The following DZIP1 variants were observed in gnomAD, a reference collection of about 807,000 sequenced individuals.
The protein encoded by DZIP1 is DAZ interacting zinc finger protein 1.
DZIP1 carries 97 observed loss-of-function variants against 107.6 expected under a neutral mutation model. That is an observed-to-expected ratio of 0.90 (90% CI 0.77 to 1.07). The LOEUF is 1.07. Among genes scored for constraint, DZIP1 ranks in the 50% least tolerant of loss-of-function variants. The pLI, the probability that DZIP1 is intolerant of heterozygous loss-of-function variation, is 0.00. For synonymous variants in DZIP1, 390 were observed against 386.4 expected (o/e 1.01, Z -0.11); for missense variants, 1,035 against 1,063.6 (o/e 0.97, Z 0.37).
intron 10 of DZIP1, among the ~76,000 whole-genome samples, chr13:95,612,804 C>T (rs773181011): frequency 6.6e-6 from 1 of 151,990 alleles, no homozygotes; most frequent in African/African-American, 2.4e-5. Context: ...AGGCTGGTCT[C>T]GAAGTCCTGA....
intron 19 of DZIP1, 85 bp from the exon 20 acceptor site, chr13:95,587,814 G>C: frequency 7.0e-7 from 1 of 1,431,026 alleles, no homozygotes; most frequent in East Asian, 2.5e-5. Context: ...TCTTAAAGTG[G>C]TGGCACCTTT....
chr13:95,584,274 CAAAAAAAA>C (rs761989023), intron 22 of DZIP1, among the ~76,000 whole-genome samples: 1 of 20,102 alleles, frequency 5.0e-5, no homozygotes, highest in Non-Finnish European at 1.0e-4. Flanking sequence ...TGCGCCTGGC[CAAAAAAAA>C]AAAAAAAATA....
At chr13:95,617,471 T>C (rs1462013533) in intron 10 of DZIP1, among the ~76,000 whole-genome samples, 2 of 151,956 alleles carry the variant, frequency 1.3e-5, no homozygotes, top group Admixed American at 6.6e-5. Flanking sequence ...CCCACGGACA[T>C]TGAGAAGAGA....
At position 95,596,545 on chromosome 13, in the gene DZIP1, C is replaced by T. The variant is rs564681462; in HGVS notation, c.1538-2459G>A. Among the ~76,000 whole-genome samples, 4 of 152,334 alleles carry T rather than the reference C, an allele frequency of 2.6e-5. No individual in the cohort carries two copies. The East Asian group carries it at 7.7e-4, about 29-fold the overall frequency. ...CATCCAGATGGTCCTGTAGAGGCCACATCAGCTTCCCTTTCTCCATTTGCT... is the reference window on the plus strand; with the variant it reads ...CATCCAGATGGTCCTGTAGAGGCCATATCAGCTTCCCTTTCTCCATTTGCT... On this transcript the variant is annotated intron_variant, in intron 15 of 22. Coordinates refer to ENST00000376829, the MANE Select transcript of DZIP1 (RefSeq NM_198968.4).
intron 7 of DZIP1, among the ~76,000 whole-genome samples, chr13:95,628,949 T>G (rs1274412537): frequency 6.6e-6 from 1 of 152,198 alleles, no homozygotes; most frequent in African/African-American, 2.4e-5. Flanking sequence ...TATAACAATG[T>G]GAATATACTC....
intron 6 of DZIP1, 134 bp from the exon 7 acceptor site, chr13:95,630,247 C>T (rs1182231217): frequency 1.8e-6 from 2 of 1,129,814 alleles, no homozygotes; most frequent in South Asian, 1.7e-5. Flanking sequence ...TTTCATGCCA[C>T]ATGAGCCAAT....
In DZIP1 at chr13:95,580,313, G is replaced by A. The variant is rs2043995656; in HGVS notation, c.*1921C>T. 6.7e-6 allele frequency: 1 copy of A among 149,484 alleles called. No homozygotes were observed. The highest frequency in any genetic ancestry group is 2.5e-5 in the African/African-American group (1 of 40,318). The allele number at this position is 149,484 out of a possible 1,614,324, so 9.3% of individuals were successfully genotyped here. ...GATGGTGCCACTGCGCTCAAGCCTG[G>A]GCAACATAGTGAGACTCTGTCTCAA... On this transcript the variant is annotated 3_prime_UTR_variant, in exon 23 of 23. Coordinates refer to ENST00000376829, the MANE Select transcript of DZIP1 (RefSeq NM_198968.4).
chr13:95,610,990 T>C (rs749821734), intron 12 of DZIP1, among the ~76,000 whole-genome samples: 43 of 152,210 alleles, frequency 2.8e-4, no homozygotes, highest in Admixed American at 5.2e-4. Flanking sequence ...TGTGGTATGC[T>C]ATTATAGCAG....
chr13:95,611,917 G>T, intron 11 of DZIP1, 120 bp downstream of exon 11: 1 of 1,298,290 alleles, frequency 7.7e-7, no homozygotes, highest in South Asian at 1.8e-5. Context: ...ATCACAAGGG[G>T]AAAAATATTC....
At position 95,587,481 on chromosome 13, in the gene DZIP1, G is replaced by A. The variant is rs114917226; in HGVS notation, c.2218+58C>T. The A allele has an allele frequency of 6.3e-4, 990 of 1,578,622 alleles. 7 individuals carry two copies. The African/African-American group carries it at 0.012, about 19-fold the overall frequency. On this transcript the variant is annotated intron_variant, in intron 20 of 22. Coordinates refer to ENST00000376829, the MANE Select transcript of DZIP1 (RefSeq NM_198968.4). ...AGACTCCCAGTGCTCGGTACACACG[G>A]GTGAGGACAACTGTCCTAAATACAG...
chr13:95,629,238 AC>A (rs1876910620), intron 7 of DZIP1, among the ~76,000 whole-genome samples: 1 of 152,200 alleles, frequency 6.6e-6, no homozygotes, highest in African/African-American at 2.4e-5. Context: ...ACCAAGGTCA[AC>A]CCTCTGTTGG....
intron 8 of DZIP1, among the ~76,000 whole-genome samples, chr13:95,624,189 A>G (rs1384697288): frequency 6.6e-6 from 1 of 152,222 alleles, no homozygotes; most frequent in Non-Finnish European, 1.5e-5. Flanking sequence ...AAGAAGACTC[A>G]GGTCAAGTCT....
intron 14 of DZIP1, among the ~76,000 whole-genome samples, chr13:95,602,591 G>A (rs1381957968): frequency 2.0e-5 from 3 of 152,352 alleles, no homozygotes; most frequent in South Asian, 2.1e-4. Flanking sequence ...GAACACCGCT[G>A]GAGAAACAGA....
rs1034830704 is a variant in DZIP1, at chr13:95,578,911, G to A, written c.*3323C>T. 3.9e-5 allele frequency: 6 copies of A among 152,214 alleles called. No individual in the cohort carries two copies. The highest frequency in any genetic ancestry group is 1.4e-4 in the African/African-American group (6 of 41,450). The allele number at this position is 152,214 out of a possible 1,614,324, so 9.4% of individuals were successfully genotyped here. A position where few individuals can be genotyped will look rare whatever the true frequency, so the allele number is the denominator to read the frequency against. On this transcript the variant is annotated 3_prime_UTR_variant, in exon 23 of 23. Coordinates refer to ENST00000376829, the MANE Select transcript of DZIP1 (RefSeq NM_198968.4). The stretch of plus-strand genomic sequence containing the variant: ...ATTGCCTGTCATGTGGCACATCCAT[G>A]TTAAGGGGCTGAGGCGTCCCTGGCA...
At chr13:95,613,497 G>C (rs1415959276) in intron 10 of DZIP1, among the ~76,000 whole-genome samples, 3 of 146,980 alleles carry the variant, frequency 2.0e-5, no homozygotes, top group African/African-American at 7.6e-5. Flanking sequence ...GGGTGACAGA[G>C]CGAGATTCCG....
At chr13:95,627,236 G>A (rs965789211) in intron 7 of DZIP1, among the ~76,000 whole-genome samples, 16 of 152,152 alleles carry the variant, frequency 1.1e-4, no homozygotes, top group Non-Finnish European at 1.9e-4. Context: ...CTTCAACAAG[G>A]ATGTTAGGAA....
At chr13:95,611,664 C>T (rs538681396) in intron 11 of DZIP1, among the ~76,000 whole-genome samples, 171 bp from the exon 12 acceptor site, 2 of 152,290 alleles carry the variant, frequency 1.3e-5, no homozygotes, top group South Asian at 4.1e-4. Context: ...ACCCAAACCT[C>T]ACCATCACAC....
chr13:95,603,661 A>G (rs1386043941), intron 14 of DZIP1, among the ~76,000 whole-genome samples: 4 of 152,188 alleles, frequency 2.6e-5, no homozygotes, highest in Non-Finnish European at 5.9e-5. Flanking sequence ...AGTGGTCTCC[A>G]GTGGTGAAAA....
At chr13:95,599,515 C>A in intron 14 of DZIP1, 91 bp from the exon 15 acceptor site, 1 of 1,187,774 alleles carries the variant, frequency 8.4e-7, no homozygotes, top group Non-Finnish European at 1.2e-6. Flanking sequence ...GATATCATTC[C>A]ATGGTATTTT....
Sources: gnomAD v4.1 joint callset for allele counts (sites outside exome capture counted in the v4.1 genomes callset) on GRCh38, gnomAD v4.1.1 for gene constraint, MANE v1.5 for transcripts, NCBI Gene and HGNC (gene_info 2026-07-23, HGNC 2026-07-21) for gene names.